PTPRD: variants seen among roughly 807,000 people sequenced by gnomAD.
The protein encoded by PTPRD is protein tyrosine phosphatase receptor type D, also known as receptor-type tyrosine-protein phosphatase delta.
A neutral mutation model predicts 214.5 loss-of-function variants in PTPRD; 34 were observed. The ratio of observed to expected loss-of-function variants is 0.16; its 90% CI spans 0.12 to 0.21. The LOEUF (loss-of-function observed/expected upper bound fraction) is 0.21. Ranked by LOEUF, PTPRD falls within the 10% of genes least tolerant of loss-of-function variation. PTPRD has a pLI of 1.00. For missense variants in PTPRD, 2,545 were observed against 2,398.7 expected (o/e 1.06, Z -1.27); for synonymous variants, 1,128 against 845.7 (o/e 1.33, Z -5.79).
At chr9:9,700,757 C>A (rs1227851462) in intron 7 of PTPRD, among the ~76,000 whole-genome samples, 17 of 145,374 alleles carry the variant, frequency 1.2e-4, no homozygotes, top group Admixed American at 1.1e-3. Flanking sequence ...CTGACCCTAA[C>A]TAAGTTTAAG....
intron 9 of PTPRD, among the ~76,000 whole-genome samples, chr9:9,273,566 T>C (rs1332720772): frequency 6.6e-6 from 1 of 151,356 alleles, no homozygotes; most frequent in Admixed American, 6.6e-5. Flanking sequence ...AACAGAGAAC[T>C]GTGAAAACAT....
chr9:9,797,473 T>C (rs1457588989), intron 5 of PTPRD, among the ~76,000 whole-genome samples: 1 of 152,012 alleles, frequency 6.6e-6, no homozygotes, highest in Non-Finnish European at 1.5e-5. Context: ...AGATAATAGA[T>C]GGACCAAAAA....
chr9:9,355,727 T>C (rs1252618993), intron 9 of PTPRD, among the ~76,000 whole-genome samples: 3 of 151,422 alleles, frequency 2.0e-5, no homozygotes, highest in African/African-American at 7.3e-5. Context: ...TTGAAAGCCA[T>C]GGGATTGAGT....
intron 3 of PTPRD, among the ~76,000 whole-genome samples, chr9:10,327,560 G>A (rs1364707529): frequency 2.6e-5 from 4 of 151,434 alleles, no homozygotes; most frequent in Admixed American, 1.3e-4. Context: ...TTTGGAAACC[G>A]TTTCCTGGAG....
At chr9:8,446,263 G>A (rs948793795) in intron 34 of PTPRD, among the ~76,000 whole-genome samples, 1 of 152,120 alleles carries the variant, frequency 6.6e-6, no homozygotes, top group East Asian at 1.9e-4. Flanking sequence ...TATATGAAAT[G>A]GGGAATATCG....
chr9:9,636,719 G>T (rs1258687763), intron 7 of PTPRD, among the ~76,000 whole-genome samples: 2 of 152,168 alleles, frequency 1.3e-5, no homozygotes, highest in African/African-American at 4.8e-5. Context: ...TAGAGAGAAA[G>T]ATTTCAATAT....
chr9:8,726,026 GACACACACACACACACAC>G (rs71500962), intron 12 of PTPRD, among the ~76,000 whole-genome samples: 1 of 139,512 alleles, frequency 7.2e-6, no homozygotes, highest in Non-Finnish European at 1.5e-5. Flanking sequence ...CAGACAGACA[GACACACACACACACACAC>G]ACACACACAC....
intron 11 of PTPRD, among the ~76,000 whole-genome samples, chr9:8,773,477 G>C (rs895890776): frequency 6.6e-6 from 1 of 152,108 alleles, no homozygotes; most frequent in South Asian, 2.1e-4. Flanking sequence ...CTGTACTTCA[G>C]GACCTGAAGT....
intron 4 of PTPRD, among the ~76,000 whole-genome samples, chr9:9,991,122 C>T (rs979967982): frequency 2.0e-5 from 3 of 151,430 alleles, no homozygotes; most frequent in Non-Finnish European, 4.4e-5. Context: ...TTAGTAGAAA[C>T]GGGGTTTCAC....
At chr9:8,363,641 G>T (rs527989771) in intron 39 of PTPRD, among the ~76,000 whole-genome samples, 4 of 152,170 alleles carry the variant, frequency 2.6e-5, no homozygotes, top group Non-Finnish European at 5.9e-5. Flanking sequence ...ACTTAACTGG[G>T]TGATCAGAAT....
chr9:9,717,400 A>C (rs2097854298), intron 7 of PTPRD, among the ~76,000 whole-genome samples: 1 of 152,174 alleles, frequency 6.6e-6, no homozygotes, highest in African/African-American at 2.4e-5. Context: ...AGTCATTGGT[A>C]GCTTGATGGG....
At chr9:8,884,482 G>C (rs2098470741) in intron 11 of PTPRD, among the ~76,000 whole-genome samples, 2 of 152,190 alleles carry the variant, frequency 1.3e-5, no homozygotes, top group Non-Finnish European at 2.9e-5. Flanking sequence ...TTTGAGTTTG[G>C]AGCTGGACTA....
At chr9:8,838,824 G>C (rs942705155) in intron 11 of PTPRD, among the ~76,000 whole-genome samples, 1 of 151,628 alleles carries the variant, frequency 6.6e-6, no homozygotes, top group African/African-American at 2.4e-5. Context: ...ACAGTAATGA[G>C]AGAAACAAAA....
At chr9:10,098,226 A>G (rs1344357106) in intron 3 of PTPRD, among the ~76,000 whole-genome samples, 2 of 151,534 alleles carry the variant, frequency 1.3e-5, no homozygotes, top group Non-Finnish European at 1.5e-5. Context: ...CGTCATTCTC[A>G]GCAAACTATC....
intron 7 of PTPRD, among the ~76,000 whole-genome samples, chr9:9,681,148 C>T (rs1442310251): frequency 6.6e-6 from 1 of 151,892 alleles, no homozygotes; most frequent in South Asian, 2.1e-4. Flanking sequence ...TTTCCATTCA[C>T]TTGAATCTGG....
chr9:9,273,401 C>T (rs1943713028), intron 9 of PTPRD, among the ~76,000 whole-genome samples: 1 of 151,154 alleles, frequency 6.6e-6, no homozygotes, highest in Non-Finnish European at 1.5e-5. Flanking sequence ...TGAAATAGCT[C>T]TCTCTGTGTC....
chr9:9,980,615 AAACAAAAAAAAAAAAAAAAC>A lies in PTPRD; in HGVS notation c.-471-42025_-471-42006del, dbSNP rs1566900728. Among the ~76,000 whole-genome samples the A allele has an allele frequency of 5.8e-4, 13 of 22,320 alleles. 1 individual carries two copies. The highest frequency in any genetic ancestry group is 1.4e-3 in the Admixed American group (3 of 2,212). The allele number at this position is 22,320 out of a possible 152,430, so 14.6% of individuals were successfully genotyped here. On this transcript the variant is annotated intron_variant, in intron 4 of 45. Coordinates refer to ENST00000381196, the MANE Select transcript of PTPRD (RefSeq NM_002839.4). The stretch of plus-strand genomic sequence containing the variant: ...CAGAGTGAGACACCTTGTCAAAAAA[AAACAAAAAAAAAAAAAAAAC>A]AAAAAAAAAAACCCTTTATGGATCA...
intron 7 of PTPRD, among the ~76,000 whole-genome samples, chr9:9,604,163 G>C (rs1456820882): frequency 6.6e-6 from 1 of 151,912 alleles, no homozygotes; most frequent in Non-Finnish European, 1.5e-5. Flanking sequence ...TAGAACATAA[G>C]CCACTGATTA....
chr9:8,964,190 G>GTTT (rs1334290420), intron 11 of PTPRD, among the ~76,000 whole-genome samples: 627 of 52,746 alleles, frequency 0.012, 91 homozygotes, highest in East Asian at 0.068. Context: ...GTTCAGGGCT[G>GTTT]TGTTTTTTTT....
Sources: allele counts gnomAD v4.1 joint callset (sites outside exome capture counted in the v4.1 genomes callset), GRCh38; gene constraint gnomAD v4.1.1; transcripts MANE v1.5; gene names NCBI Gene and HGNC (gene_info 2026-07-23, HGNC 2026-07-21).